Variants in PCDHGB1 observed in about 807,000 individuals in gnomAD.
The protein encoded by PCDHGB1 is protocadherin gamma-B1.
Under a neutral mutation model 56.6 loss-of-function variants are expected in PCDHGB1, and 34 were observed. That is an observed-to-expected ratio of 0.60 (90% CI 0.46 to 0.80). PCDHGB1 has a LOEUF of 0.80. Among genes scored for constraint, PCDHGB1 ranks in the 30% least tolerant of loss-of-function variants. The probability of loss-of-function intolerance (pLI) is 0.00; values close to 1 mark genes in which losing one functional copy is unlikely to be tolerated. For synonymous variants in PCDHGB1, 561 were observed against 505.9 expected (o/e 1.11, Z -1.46); for missense variants, 1,278 against 1,204.6 (o/e 1.06, Z -0.90).
At chr5:141,376,788 G>A (rs944207667) in intron 1 of PCDHGB1, 10 of 365,346 alleles carry the variant, frequency 2.7e-5, no homozygotes, top group Non-Finnish European at 4.9e-5. Context: ...CCGGGTTCAC[G>A]CCATTCTCCT....
Position 141,489,592 on chromosome 5 carries a change from C to T in PCDHGB1, c.2410-5215C>T, listed in dbSNP as rs747085985. 1.3e-5 allele frequency: 21 copies of T among 1,613,928 alleles called. No individual in the cohort carries two copies. The East Asian group carries it at 1.6e-4, about 12-fold the overall frequency. ...GACTGAACACCCCCTGGAGCTAATC[C>T]GTGTAGAGGTAGAGATCCTGGATCT... is the stretch of plus-strand genomic sequence containing the variant. On this transcript the variant is annotated intron_variant, in intron 1 of 3. Transcript: ENST00000523390. This position sits in a 1 kb window ranked among gnomAD's most constrained non-coding sequence, Gnocchi z 4.5.
rs549047197 is a variant in PCDHGB1, at chr5:141,502,866, C to CTTTTTTTTTTTTTTT, written c.2469-2513_2469-2512insTTTTTTTTTTTTTTT. Reference sequence around the variant, plus strand: ...GAGCTGCCTAACCCTGACTCTCTGTCTTTTTTTTTTTTTTGACAGGGAGTC... The same window carrying CTTTTTTTTTTTTTTT: ...GAGCTGCCTAACCCTGACTCTCTGTCTTTTTTTTTTTTTTTTTTTTTTTTTTTTTGACAGGGAGTC... On this transcript the variant is annotated intron_variant, in intron 2 of 3. Coordinates refer to ENST00000523390, the MANE Select transcript of PCDHGB1 (RefSeq NM_018922.3). 1.1e-4 allele frequency among the ~76,000 whole-genome samples: 14 copies of CTTTTTTTTTTTTTTT among 128,026 alleles called. 3 individuals are homozygous for CTTTTTTTTTTTTTTT. Among genetic ancestry groups the CTTTTTTTTTTTTTTT allele is most frequent in the Admixed American group, 1.7e-4 (2 of 11,664 alleles). The allele number at this position is 128,026 out of a possible 152,430, so 84.0% of individuals were successfully genotyped here.
At chr5:141,504,306 G>A (rs2099837315) in intron 2 of PCDHGB1, among the ~76,000 whole-genome samples, 1 of 152,076 alleles carries the variant, frequency 6.6e-6, no homozygotes, top group South Asian at 2.1e-4. Context: ...AACACTCGGA[G>A]TTTCTAAAAG....
At chr5:141,463,493 G>C (rs2099061978) in intron 1 of PCDHGB1, among the ~76,000 whole-genome samples, 1 of 128,844 alleles carries the variant, frequency 7.8e-6, no homozygotes, top group Admixed American at 9.6e-5. Flanking sequence ...CTGTCACCCA[G>C]GCTGGAGTGA....
In PCDHGB1 at chr5:141,472,980, C is replaced by CAAAA. The variant is rs60579131; in HGVS notation, c.2410-21813_2410-21810dup. ...CAGCCTGGGGAACAAGAGTGAAACT[C>CAAAA]AAAAAAAAAAAAAAAAAGAAAGAAA... On this transcript the variant is annotated intron_variant, in intron 1 of 3. Transcript: ENST00000523390. 5.5e-3 allele frequency among the ~76,000 whole-genome samples: 472 copies of CAAAA among 85,978 alleles called. 4 individuals carry two copies. The highest frequency in any genetic ancestry group is 0.013 in the Admixed American group (104 of 8,158). The allele number at this position is 85,978 out of a possible 152,430, so 56.4% of individuals were successfully genotyped here. A position where few individuals can be genotyped will look rare whatever the true frequency, so the allele number is the denominator to read the frequency against.
At position 141,351,902 on chromosome 5, in the gene PCDHGB1, G is replaced by T; in HGVS notation, c.1642G>T (p.Val548Leu). ...CGCCAACGTGAGCCTGCGCGTGTTG[G>T]TGGGCGACCTCAATGACAATGCGCC... is the stretch of plus-strand genomic sequence containing the variant. ...LSANVSLRVL[V>L]GDLNDNAPRV... The change falls in exon 1 of 4, where the codon GTG becomes TTG. Residue 548 changes from valine (V) to leucine (L), a missense_variant. Transcript: ENST00000523390. 1 of 1,613,444 alleles carries T rather than the reference G, an allele frequency of 6.2e-7. No individual in the cohort carries two copies. Among genetic ancestry groups the T allele is most frequent in the Non-Finnish European group, 8.5e-7 (1 of 1,179,762 alleles).
chr5:141,384,384 C>A (rs142665639), intron 1 of PCDHGB1: 102 of 1,613,934 alleles, frequency 6.3e-5, no homozygotes, highest in Non-Finnish European at 8.3e-5. Context: ...CCGAAGACAC[C>A]ATCCAGGGGG....
At chr5:141,440,841 A>G (rs1361003883) in intron 1 of PCDHGB1, 5 of 152,114 alleles carry the variant, frequency 3.3e-5, no homozygotes, top group Admixed American at 1.3e-4. Flanking sequence ...GTTGAAGCCA[A>G]TGACAACCCT....
chr5:141,379,889 C>CTTTTTGTTTTTTTTTTTTT (rs1775944261), intron 1 of PCDHGB1, among the ~76,000 whole-genome samples: 1 of 50,830 alleles, frequency 2.0e-5, no homozygotes, highest in Non-Finnish European at 3.9e-5. Flanking sequence ...GTGAAAGCCT[C>CTTTTTGTTTTTTTTTTTTT]TTTTTTTTTT....
At chr5:141,428,124 C>G in intron 1 of PCDHGB1, 2 of 1,605,400 alleles carry the variant, frequency 1.2e-6, no homozygotes, top group Non-Finnish European at 1.7e-6. Flanking sequence ...CGAGCCCGGG[C>G]TTTTCAGCCT....
chr5:141,456,536 G>A (rs1231730255), intron 1 of PCDHGB1, among the ~76,000 whole-genome samples: 1 of 152,158 alleles, frequency 6.6e-6, no homozygotes, highest in Non-Finnish European at 1.5e-5. Flanking sequence ...AATTAAAGAG[G>A]GATTGTAGCC....
intron 1 of PCDHGB1, chr5:141,409,186 T>C: frequency 6.2e-7 from 1 of 1,614,042 alleles, no homozygotes; most frequent in Non-Finnish European, 8.5e-7. Flanking sequence ...GTGGTCTCTC[T>C]ACCCAGTGTA....
chr5:141,384,013 C>T, intron 1 of PCDHGB1: 1 of 1,613,758 alleles, frequency 6.2e-7, no homozygotes, highest in Non-Finnish European at 8.5e-7. Context: ...TTTCTACCTA[C>T]AAGACAGAGA....
intron 1 of PCDHGB1, chr5:141,384,384 C>G: frequency 6.2e-7 from 1 of 1,613,934 alleles, no homozygotes; most frequent in African/African-American, 1.3e-5. Flanking sequence ...CCGAAGACAC[C>G]ATCCAGGGGG....
At chr5:141,505,143 CAG>C (rs1332770308) in intron 2 of PCDHGB1, among the ~76,000 whole-genome samples, 1 of 152,172 alleles carries the variant, frequency 6.6e-6, no homozygotes, top group Non-Finnish European at 1.5e-5. Context: ...GCCTGGATGA[CAG>C]AGTAAGACCC....
chr5:141,422,077 A>C (rs2096622436), intron 1 of PCDHGB1: 1 of 1,612,340 alleles, frequency 6.2e-7, no homozygotes, highest in Admixed American at 1.7e-5. Flanking sequence ...TTCATTTCGG[A>C]ACATGGAAAG....
rs1241061038 is a variant in PCDHGB1 at position 141,394,846 on chromosome 5, T to C, written c.2409+42177T>C. ...GAAGTCCTGACCGAGTTGGGCAGTC[T>C]GAAGCCTTCGGTCGACCCGAACGAT... On this transcript the variant is annotated intron_variant, in intron 1 of 3. Coordinates refer to ENST00000523390, the MANE Select transcript of PCDHGB1 (RefSeq NM_018922.3). The C allele has an allele frequency of 1.9e-6, 3 of 1,613,732 alleles. No homozygotes were observed. In the African/African-American group the frequency reaches 4.0e-5, roughly 22 times the overall value.
At chr5:141,365,336 A>C in intron 1 of PCDHGB1, 1 of 1,613,998 alleles carries the variant, frequency 6.2e-7, no homozygotes, top group South Asian at 1.1e-5. Flanking sequence ...GGTGGTGGTC[A>C]CAGTACAGGA....
chr5:141,427,998 C>A, intron 1 of PCDHGB1: 1 of 1,600,956 alleles, frequency 6.2e-7, no homozygotes, highest in Non-Finnish European at 8.6e-7. Context: ...TGGCTCCGCA[C>A]TCTTCGATAT....
Sources: allele counts gnomAD v4.1 joint callset (sites outside exome capture counted in the v4.1 genomes callset), GRCh38; gene constraint gnomAD v4.1.1; non-coding constraint Gnocchi (gnomAD v3.1); transcripts MANE v1.5; gene names NCBI Gene and HGNC (gene_info 2026-07-23, HGNC 2026-07-21).